GPR89B: variants seen among roughly 807,000 people sequenced by gnomAD.
GPR89B encodes the protein golgi pH regulator B, also known as G protein-coupled receptor 89B.
A neutral mutation model predicts 52.4 loss-of-function variants in GPR89B; 25 were observed. The observed-to-expected ratio is 0.48, with a 90% CI of 0.35 to 0.67. The LOEUF (loss-of-function observed/expected upper bound fraction) is 0.67, where lower values mean the gene tolerates loss of function less well. Ranked by LOEUF, GPR89B falls within the 30% of genes least tolerant of loss-of-function variation. The pLI is 0.01. For missense variants in GPR89B, 146 were observed against 450.2 expected (o/e 0.32, Z 6.11); for synonymous variants, 52 against 151.2 (o/e 0.34, Z 4.81).
At chr1:147,958,852 A>G (rs1163127912) in intron 7 of GPR89B, among the ~76,000 whole-genome samples, 50 of 151,984 alleles carry the variant, frequency 3.3e-4, no homozygotes, top group South Asian at 2.1e-4. Flanking sequence ...TCAGCCTCCC[A>G]GCATGACCCC....
intron 1 of GPR89B, among the ~76,000 whole-genome samples, chr1:147,931,017 C>T (rs1653551641): frequency 6.6e-6 from 1 of 152,040 alleles, no homozygotes; most frequent in Non-Finnish European, 1.5e-5. Context: ...CACCTACTTC[C>T]CCTGTAACAA....
chr1:147,933,355 T>C (rs1653807582), intron 1 of GPR89B, among the ~76,000 whole-genome samples: 1 of 152,062 alleles, frequency 6.6e-6, no homozygotes, highest in African/African-American at 2.4e-5. Context: ...AAAATTGTTT[T>C]CCTTATCCTC....
chr1:147,975,714 G>C (rs1231812949), intron 10 of GPR89B, among the ~76,000 whole-genome samples: 5 of 152,096 alleles, frequency 3.3e-5, no homozygotes, highest in Admixed American at 6.6e-5. Context: ...GGGTTTGTTT[G>C]CTCTTGGTTC....
At chr1:147,970,072 C>T (rs1657302676) in intron 10 of GPR89B, 113 bp downstream of exon 10, 1 of 840,532 alleles carries the variant, frequency 1.2e-6, no homozygotes, top group Non-Finnish European at 1.8e-6. Flanking sequence ...GTGATTGCAT[C>T]AACAGAGAGC....
the GPR89B span, chr1:148,014,928 T>C: frequency 6.6e-6 from 1 of 151,564 alleles, no homozygotes; most frequent in Admixed American, 6.6e-5. Flanking sequence ...GTTTCAACCG[T>C]AGCCGGCAAG....
chr1:148,012,191 A>G, the GPR89B span: 1 of 151,732 alleles, frequency 6.6e-6, no homozygotes, highest in Non-Finnish European at 1.5e-5. Context: ...TCTCTTTGTA[A>G]TCTGAGAATT....
At chr1:148,000,036 A>G in the GPR89B span, among the ~76,000 whole-genome samples, 5 of 152,348 alleles carry the variant, frequency 3.3e-5, no homozygotes, top group Non-Finnish European at 5.9e-5. Flanking sequence ...GGATGGGACA[A>G]CCACTTGGAC....
intron 10 of GPR89B, among the ~76,000 whole-genome samples, chr1:147,981,058 A>T (rs1457447764): frequency 2.4e-4 from 36 of 151,776 alleles, no homozygotes; most frequent in Admixed American, 2.6e-4. Flanking sequence ...TGTAATTTTA[A>T]AAAGTATATA....
chr1:147,952,881 AAAG>A (rs1655829190), intron 5 of GPR89B, among the ~76,000 whole-genome samples: 2 of 151,016 alleles, frequency 1.3e-5, no homozygotes, highest in South Asian at 4.2e-4. Context: ...TGGATGCAAA[AAAG>A]AATAAGACAA....
chr1:147,955,381 CTT>C (rs1446623443), intron 7 of GPR89B, among the ~76,000 whole-genome samples: 2 of 151,954 alleles, frequency 1.3e-5, no homozygotes. Context: ...ACAGATATCT[CTT>C]TGACATTTTA....
intron 10 of GPR89B, among the ~76,000 whole-genome samples, chr1:147,970,549 C>CTCTCTCTCTCTCTCTCTCTCTATCTA (rs1657382652): frequency 3.2e-5 from 4 of 124,650 alleles, no homozygotes; most frequent in African/African-American, 1.2e-4. Flanking sequence ...CTATCTCTCT[C>CTCTCTCTCTCTCTCTCTCTCTATCTA]TCTCTATCTC....
At chr1:148,005,571 T>A in the GPR89B span, 1 of 1,109,314 alleles carries the variant, frequency 9.0e-7, no homozygotes, top group Non-Finnish European at 1.3e-6. Context: ...TGGATGGTAA[T>A]CTGTGATGTT....
chr1:147,934,948 G>A (rs1373995140), intron 1 of GPR89B, among the ~76,000 whole-genome samples: 3 of 151,826 alleles, frequency 2.0e-5, no homozygotes, highest in African/African-American at 4.8e-5. Context: ...TGGAGAGCCT[G>A]CTACGTACCA....
chr1:148,000,475 T>A, the GPR89B span, among the ~76,000 whole-genome samples: 3 of 152,136 alleles, frequency 2.0e-5, no homozygotes, highest in African/African-American at 7.2e-5. Flanking sequence ...GTATAATGAA[T>A]TACAGGTCCA....
the GPR89B span, among the ~76,000 whole-genome samples, chr1:148,000,355 A>G: frequency 3.3e-5 from 5 of 151,668 alleles, no homozygotes; most frequent in African/African-American, 1.2e-4. Flanking sequence ...GTTGATATCA[A>G]GTATTTTCTA....
chr1:147,980,818 CAAA>C (rs1176400328), intron 10 of GPR89B, among the ~76,000 whole-genome samples: 8 of 22,560 alleles, frequency 3.5e-4, no homozygotes, highest in South Asian at 2.5e-3. Flanking sequence ...GACTCCGTCT[CAAA>C]AAAAAAAAAA....
intron 10 of GPR89B, among the ~76,000 whole-genome samples, chr1:147,981,206 G>A (rs1247946653): frequency 6.9e-6 from 1 of 144,756 alleles, no homozygotes; most frequent in Non-Finnish European, 1.5e-5. Flanking sequence ...AGTGGCAGAT[G>A]CCTGTAATCC....
chr1:147,979,906 T>G (rs1189774275), intron 10 of GPR89B, among the ~76,000 whole-genome samples: 1 of 150,680 alleles, frequency 6.6e-6, no homozygotes, highest in African/African-American at 2.5e-5. Flanking sequence ...CTGGGCAGCA[T>G]AGCAAGACCC....
intron 5 of GPR89B, among the ~76,000 whole-genome samples, chr1:147,947,939 A>T (rs1222239081): frequency 2.0e-5 from 3 of 152,262 alleles, no homozygotes; most frequent in Non-Finnish European, 4.4e-5. Context: ...TTAGCATTAC[A>T]CAAATATTTA....
Sources: allele counts gnomAD v4.1 joint callset (sites outside exome capture counted in the v4.1 genomes callset), GRCh38; gene constraint gnomAD v4.1.1; transcripts MANE v1.5; gene names NCBI Gene and HGNC (gene_info 2026-07-23, HGNC 2026-07-21).